UXT: variants seen among roughly 807,000 people sequenced by gnomAD.
UXT encodes the protein ubiquitously expressed prefoldin like chaperone, also known as protein UXT.
For synonymous variants in UXT, 54 were observed against 52.8 expected (o/e 1.02, Z -0.10); for missense variants, 111 against 132.7 (o/e 0.84, Z 0.80).
intron 4 of UXT, among the ~76,000 whole-genome samples, chrX:47,652,398 C>A (rs1040135949): frequency 8.9e-6 from 1 of 112,174 alleles, no homozygotes; most frequent in Non-Finnish European, 1.9e-5. Flanking sequence ...ACTTCAAATT[C>A]TTGTAAAGAA....
At chrX:47,658,211 T>C (rs1267281296) in intron 1 of UXT, among the ~76,000 whole-genome samples, 1 of 111,728 alleles carries the variant, frequency 9.0e-6, no homozygotes, top group Non-Finnish European at 1.9e-5. Flanking sequence ...TACATGTTAG[T>C]TATAATTACT....
Position 47,657,805 on chromosome X carries a change from T to C in UXT, c.193A>G (p.Arg65Gly), listed in dbSNP as rs1219334257. Reference sequence around the variant, plus strand: ...ACCTGGAGTCGCTCAATGACATTTCTCAGTTGAAGGTATTTGGCCAGCTGC... The same window carrying C: ...ACCTGGAGTCGCTCAATGACATTTCCCAGTTGAAGGTATTTGGCCAGCTGC... Residue 65 changes from arginine (R) to glycine (G), a missense_variant, in exon 2 of 6, where the codon AGA (arginine) becomes GGA (glycine). Transcript: ENST00000335890. 1 of 1,178,591 alleles carries C rather than the reference T, an allele frequency of 8.5e-7. No individual in the cohort carries two copies.
rs368859752 is a variant in UXT, at chrX:47,657,873, C to T, written c.135-10G>A. On this transcript the variant is annotated splice_polypyrimidine_tract_variant and intron_variant, in intron 1 of 5. Transcript: ENST00000335890. ...ATGGTCCAGCACCTTTCTGATGGGA[C>T]GAAAGTACAATGGTGACCAATAGGC... 3.1e-5 allele frequency: 35 copies of T among 1,128,835 alleles called. No individual in the cohort carries two copies. Among genetic ancestry groups the T allele is most frequent in the East Asian group, 2.4e-4 (8 of 32,936 alleles). The allele number at this position is 1,128,835 out of a possible 1,213,427, so 93.0% of individuals were successfully genotyped here.
In UXT at chrX:47,658,959, A is replaced by G. The variant is rs1284318179; in HGVS notation, c.5T>C (p.Val2Ala). The G allele has an allele frequency of 8.3e-7, 1 of 1,210,352 alleles. No individual in the cohort carries two copies. Residue 2 changes from valine (V) to alanine (A), a missense_variant, in exon 1 of 6, where the codon GTC becomes GCC. Transcript: ENST00000335890. ...CTCCTGGGGAGTGGGGAGGGGGAAG[A>G]CCATGTTGACCGATCCAGTTTGGCC... is the stretch of plus-strand genomic sequence containing the variant.
At chrX:47,658,581 G>C (rs1308139704) in intron 1 of UXT, among the ~76,000 whole-genome samples, 3 of 112,184 alleles carry the variant, frequency 2.7e-5, no homozygotes, top group Middle Eastern at 4.2e-3. Context: ...CCCGAGAACT[G>C]TGGCTCCAGA....
intron 4 of UXT, among the ~76,000 whole-genome samples, chrX:47,652,375 C>T (rs910243588): frequency 6.2e-5 from 7 of 112,160 alleles, no homozygotes; most frequent in African/African-American, 2.3e-4. Flanking sequence ...AAACAAAACT[C>T]CCGGCCTGAT....
intron 1 of UXT, 149 bp from the exon 3 acceptor site, chrX:47,658,012 C>T: frequency 2.6e-6 from 1 of 387,517 alleles, no homozygotes; most frequent in Non-Finnish European, 4.2e-6. Context: ...GGTCAGACTG[C>T]CTGGGTTTGG....
At chrX:47,654,172 A>C (rs1402628765) in intron 4 of UXT, 1 of 549,354 alleles carries the variant, frequency 1.8e-6, no homozygotes, top group Non-Finnish European at 2.2e-6. Context: ...CTACTGATTT[A>C]GTATGTAAGG....
At chrX:47,652,991 G>A (rs2058072669) in intron 4 of UXT, among the ~76,000 whole-genome samples, 1 of 111,853 alleles carries the variant, frequency 8.9e-6, no homozygotes. Flanking sequence ...AGAAGGAATC[G>A]AAGAATGCCT....
intron 1 of UXT, among the ~76,000 whole-genome samples, chrX:47,658,493 G>C (rs2147951747): frequency 8.9e-6 from 1 of 112,341 alleles, no homozygotes; most frequent in South Asian, 3.7e-4. Context: ...TTTCACAGAA[G>C]AGTAAAGTTT....
chrX:47,658,909 G>A lies in UXT; in HGVS notation c.55C>T (p.Arg19Trp), dbSNP rs768859477. 1 of 1,192,316 alleles carries A rather than the reference G, an allele frequency of 8.4e-7. No individual in the cohort carries two copies. The highest frequency in any genetic ancestry group is 1.1e-6 in the Non-Finnish European group (1 of 883,783). Residue 19 changes from arginine to tryptophan, a missense_variant, in exon 1 of 6, where the codon CGG becomes TGG. Coordinates refer to ENST00000335890, the MANE Select transcript of UXT (RefSeq NM_153477.3). ...TCCCCCGTGGCCTCCACCGCCCGCC[G>A]CTTAGGGGGCGTCGCCATGATGGGC...
chrX:47,656,891 C>G (rs2058085311), intron 4 of UXT, among the ~76,000 whole-genome samples: 1 of 112,342 alleles, frequency 8.9e-6, no homozygotes, highest in Admixed American at 9.4e-5. Flanking sequence ...AGATTGTAAG[C>G]CTTCAAGGAA....
intron 3 of UXT, 97 bp downstream of exon 4, chrX:47,657,475 G>T: frequency 1.1e-6 from 1 of 937,230 alleles, no homozygotes; most frequent in Non-Finnish European, 1.5e-6. Context: ...ACCTCGCATA[G>T]TGCCTGGTAC....
Position 47,659,122 on chromosome X carries a change from C to A in UXT, c.-159G>T. On this transcript the variant is annotated 5_prime_UTR_variant, in exon 1 of 6. Coordinates refer to ENST00000335890, the MANE Select transcript of UXT (RefSeq NM_153477.3). ...CCCAAGCGCGGCCTTTACCTCAGGC[C>A]GCCAGCAATAAGAACGGTTGGTAGG... 1.2e-6 allele frequency: 1 copy of A among 816,926 alleles called. No individual in the cohort carries two copies. The highest frequency in any genetic ancestry group is 2.0e-5 in the African/African-American group (1 of 49,822). 67.3% of individuals were successfully genotyped at this position (816,926 alleles called of 1,213,427 possible).
At chrX:47,653,642 C>T (rs1342000001) in intron 4 of UXT, among the ~76,000 whole-genome samples, 1 of 112,294 alleles carries the variant, frequency 8.9e-6, no homozygotes, top group Non-Finnish European at 1.9e-5. Context: ...CTCCATAGCA[C>T]TGTCAACATC....
In UXT at chrX:47,658,983, CCTCACACACAGTTCATCTCTACCCT is replaced by C; in HGVS notation, c.-45_-21del. On this transcript the variant is annotated 5_prime_UTR_variant, in exon 1 of 6. Coordinates refer to ENST00000335890, the MANE Select transcript of UXT (RefSeq NM_153477.3). The stretch of plus-strand genomic sequence containing the variant: ...GACCATGTTGACCGATCCAGTTTGG[CCTCACACACAGTTCATCTCTACCCT>C]CTCAACGCTGGGAATCGGCTTGTCC... 1 of 1,211,773 alleles carries C rather than the reference CCTCACACACAGTTCATCTCTACCCT, an allele frequency of 8.3e-7. No homozygotes were observed. The highest frequency in any genetic ancestry group is 1.1e-6 in the Non-Finnish European group (1 of 895,282).
At chrX:47,655,234 C>T (rs1293934112) in intron 4 of UXT, among the ~76,000 whole-genome samples, 1 of 112,254 alleles carries the variant, frequency 8.9e-6, no homozygotes, top group Admixed American at 9.4e-5. Flanking sequence ...GAGCCAAGAT[C>T]GCACCACTGC....
intron 4 of UXT, among the ~76,000 whole-genome samples, chrX:47,654,870 G>T (rs1194361243): frequency 8.9e-6 from 1 of 112,374 alleles, no homozygotes; most frequent in Non-Finnish European, 1.9e-5. Flanking sequence ...AGGCAAGGGG[G>T]CAGGCACTGA....
chrX:47,652,035 C>T, intron 5 of UXT, 46 bp downstream of exon 6: 3 of 1,191,610 alleles, frequency 2.5e-6, no homozygotes, highest in Non-Finnish European at 3.4e-6. Context: ...TTCTTCAGGT[C>T]ACCACCCTAA....
Sources: gnomAD v4.1 joint callset for allele counts (sites outside exome capture counted in the v4.1 genomes callset) on GRCh38, gnomAD v4.1.1 for gene constraint, MANE v1.5 for transcripts, NCBI Gene and HGNC (gene_info 2026-07-23, HGNC 2026-07-21) for gene names.